DENND5B: variants seen among roughly 807,000 people sequenced by gnomAD.
DENND5B encodes the protein DENN domain containing 5B, also known as DENN domain-containing protein 5B.
Under a neutral mutation model 140.6 loss-of-function variants are expected in DENND5B, and 34 were observed. The observed-to-expected ratio is 0.24, with a 90% confidence interval of 0.18 to 0.32. The LOEUF is 0.32. DENND5B is among the 10% of genes least tolerant of loss of function. The pLI, the probability that DENND5B is intolerant of heterozygous loss-of-function variation, is 1.00. For synonymous variants in DENND5B, 551 were observed against 562.1 expected, an observed-to-expected ratio of 0.98 and a Z score of 0.28; for missense variants, 1,142 against 1,560.2, an observed-to-expected ratio of 0.73 and a Z score of 4.52.
At position 31,452,195 on chromosome 12, in the gene DENND5B, C is replaced by G; in HGVS notation, c.1374G>C (p.Gln458His). 1 of 1,613,962 alleles carries G rather than the reference C, an allele frequency of 6.2e-7. No homozygotes were observed. Among genetic ancestry groups the G allele is most frequent in the East Asian group, 2.2e-5 (1 of 44,886 alleles). ...CCACACCAGTACGCTTGGCCAGAGC[C>G]TGCAAGCGGGCTATGGTTTCATTGC... ...LKGNETIARLQALAKRTGVAV... is the reference protein window; with the variant it reads ...LKGNETIARLHALAKRTGVAV... The change falls in exon 5 of 21, where the codon CAG becomes CAC. Residue 458 changes from glutamine (Q) to histidine (H), a missense_variant. Physicochemically the swap from Gln to His is conservative, Grantham distance 24 (BLOSUM62 0). Around this residue, in one of 5 missense-constraint regions of DENND5B, gnomAD observed 708 missense variants for 905.5 expected, o/e 0.78. Transcript: ENST00000389082.
intron 1 of DENND5B, among the ~76,000 whole-genome samples, chr12:31,582,679 A>G (rs572275775): frequency 4.6e-5 from 7 of 152,230 alleles, no homozygotes; most frequent in Admixed American, 4.6e-4. Context: ...ACTAGTGCTG[A>G]CCAAAGAAGA....
rs1228003971 is a variant in DENND5B, at chr12:31,452,179, T to C, written c.1390A>G (p.Thr464Ala). The C allele has an allele frequency of 3.7e-6, 6 of 1,613,884 alleles. No homozygotes were observed. In the Admixed American group the frequency reaches 1.0e-4, roughly 27 times the overall value. The stretch of plus-strand genomic sequence containing the variant: ...TCCATTTTTTCCACAGCCACACCAG[T>C]ACGCTTGGCCAGAGCCTGCAAGCGG... ...IARLQALAKR[T>A]GVAVEKMDLS... The change falls in exon 5 of 21, where the codon ACT becomes GCT. Residue 464 changes from threonine to alanine, a missense_variant. Coordinates refer to ENST00000389082, the MANE Select transcript of DENND5B (RefSeq NM_144973.4).
chr12:31,436,671 A>T (rs1038020790), intron 7 of DENND5B, among the ~76,000 whole-genome samples: 3 of 151,792 alleles, frequency 2.0e-5, no homozygotes, highest in Non-Finnish European at 2.9e-5. Context: ...AGCAGCTGGG[A>T]TTACAGGCAT....
chr12:31,401,122 C>G (rs2043262), intron 15 of DENND5B, among the ~76,000 whole-genome samples: 1 of 152,062 alleles, frequency 6.6e-6, no homozygotes, highest in African/African-American at 2.4e-5. Flanking sequence ...GGATTACAGG[C>G]GTGAGCCACT....
chr12:31,563,414 AAAAC>A (rs1470207289), intron 1 of DENND5B, among the ~76,000 whole-genome samples: 1 of 152,194 alleles, frequency 6.6e-6, no homozygotes, highest in Admixed American at 6.5e-5. Flanking sequence ...GGTAAAAACA[AAAAC>A]AAAAACTGAG....
At chr12:31,521,353 T>C (rs1268634633) in intron 1 of DENND5B, among the ~76,000 whole-genome samples, 1 of 151,572 alleles carries the variant, frequency 6.6e-6, no homozygotes, top group Non-Finnish European at 1.5e-5. Context: ...CGTCTCACTA[T>C]GCTGCTCTGG....
rs554403382 is a variant in DENND5B at position 31,516,633 on chromosome 12, C to T, written c.128-20714G>A. On this transcript the variant is annotated intron_variant, in intron 1 of 20. Coordinates refer to ENST00000389082, the MANE Select transcript of DENND5B (RefSeq NM_144973.4). ...TGCAAAACAATATACGATTTATGTG[C>T]TCCTTCAAGACTGATATAATATCTG... Among the ~76,000 whole-genome samples, 90 of 152,226 alleles carry T rather than the reference C, an allele frequency of 5.9e-4. 1 individual carries two copies. The highest frequency in any genetic ancestry group is 1.1e-3 in the Non-Finnish European group (72 of 68,018).
At chr12:31,470,037 C>A (rs1945471612) in intron 3 of DENND5B, among the ~76,000 whole-genome samples, 1 of 151,666 alleles carries the variant, frequency 6.6e-6, no homozygotes, top group Non-Finnish European at 1.5e-5. Context: ...CAGCCTCTAA[C>A]TCCTGGGCTC....
intron 3 of DENND5B, among the ~76,000 whole-genome samples, chr12:31,462,135 CA>C (rs1294667878): frequency 6.6e-6 from 1 of 152,064 alleles, no homozygotes; most frequent in Non-Finnish European, 1.5e-5. Flanking sequence ...AGGTAGGGGT[CA>C]GTCATACGAG....
At chr12:31,521,583 A>T (rs1350785906) in intron 1 of DENND5B, among the ~76,000 whole-genome samples, 3 of 152,236 alleles carry the variant, frequency 2.0e-5, no homozygotes, top group Non-Finnish European at 4.4e-5. Flanking sequence ...CCTATACAAG[A>T]TGCCTACATA....
At chr12:31,505,770 G>A (rs1328924232) in intron 1 of DENND5B, among the ~76,000 whole-genome samples, 2 of 151,910 alleles carry the variant, frequency 1.3e-5, no homozygotes, top group African/African-American at 4.8e-5. Flanking sequence ...CTCCATTAAG[G>A]AATATTCAAC....
intron 1 of DENND5B, chr12:31,499,494 A>G: frequency 1.3e-6 from 1 of 753,626 alleles, no homozygotes; most frequent in Non-Finnish European, 1.9e-6. Flanking sequence ...ATAAAATAAC[A>G]TCTACAAGTC....
intron 3 of DENND5B, among the ~76,000 whole-genome samples, chr12:31,467,863 A>G (rs770484236): frequency 2.2e-4 from 33 of 152,176 alleles, no homozygotes; most frequent in Non-Finnish European, 3.2e-4. Context: ...AACAGAAAAA[A>G]CTGCAATGAG....
rs202193648 is a variant in DENND5B at position 31,424,701 on chromosome 12, G to A, written c.2239-14C>T. The A allele has an allele frequency of 8.4e-4, 1,361 of 1,613,238 alleles. 2 individuals carry two copies. Among genetic ancestry groups the A allele is most frequent in the Non-Finnish European group, 9.3e-4 (1,092 of 1,179,560 alleles). ...CATGCGCTTTGTCTAAGAATATCAC[G>A]TGTAGTCATAAGGCACCCCAGCAGT... On this transcript the variant is annotated splice_polypyrimidine_tract_variant and intron_variant, in intron 9 of 20. Transcript: ENST00000389082.
intron 2 of DENND5B, among the ~76,000 whole-genome samples, chr12:31,488,979 TA>T (rs1226849244): frequency 5.3e-5 from 8 of 152,206 alleles, no homozygotes; most frequent in African/African-American, 1.7e-4. Flanking sequence ...CAAATGTTCT[TA>T]TATTTCTCTA....
At chr12:31,467,885 A>G (rs1004242216) in intron 3 of DENND5B, among the ~76,000 whole-genome samples, 5 of 152,194 alleles carry the variant, frequency 3.3e-5, no homozygotes, top group African/African-American at 7.2e-5. Context: ...AAAAAATTTA[A>G]ATCAATTCAA....
intron 1 of DENND5B, among the ~76,000 whole-genome samples, chr12:31,542,017 T>C (rs985574827): frequency 6.6e-6 from 1 of 152,090 alleles, no homozygotes; most frequent in Non-Finnish European, 1.5e-5. Flanking sequence ...GTCAGGCACA[T>C]TGGCTCACGC....
At chr12:31,412,926 C>A (rs768357817) in intron 13 of DENND5B, among the ~76,000 whole-genome samples, 1 of 151,830 alleles carries the variant, frequency 6.6e-6, no homozygotes, top group South Asian at 2.1e-4. Context: ...CAGAGCAATC[C>A]GGCCTTTTTT....
intron 1 of DENND5B, among the ~76,000 whole-genome samples, chr12:31,578,675 A>T (rs1441988731): frequency 6.6e-6 from 1 of 152,200 alleles, no homozygotes; most frequent in Non-Finnish European, 1.5e-5. Flanking sequence ...TATGTCTACT[A>T]CTGTTAATAA....
Sources: allele counts gnomAD v4.1 joint callset (sites outside exome capture counted in the v4.1 genomes callset), GRCh38; gene constraint gnomAD v4.1.1; regional missense constraint gnomAD v4.1.1; transcripts MANE v1.5; gene names NCBI Gene and HGNC (gene_info 2026-07-23, HGNC 2026-07-21).